The following HMCN2 variants were observed in gnomAD, a reference collection of about 807,000 sequenced individuals.
HMCN2 encodes the protein hemicentin 2.
In HMCN2, 325 loss-of-function variants were observed where a neutral mutation model predicts 377.5. That is an observed-to-expected ratio of 0.86 (90% confidence interval 0.79 to 0.94). The LOEUF (loss-of-function observed/expected upper bound fraction) is 0.94, where lower values mean the gene tolerates loss of function less well. Ranked by LOEUF, HMCN2 falls within the 40% of genes least tolerant of loss-of-function variation. HMCN2 has a pLI of 0.00. For missense variants in HMCN2, 4,543 were observed against 4,725.3 expected, an observed-to-expected ratio of 0.96 and a Z score of 1.13; for synonymous variants, 2,007 against 2,046.8, an observed-to-expected ratio of 0.98 and a Z score of 0.53.
chr9:130,272,385 T>C (rs1014813344), intron 1 of HMCN2, among the ~76,000 whole-genome samples: 1 of 148,404 alleles, frequency 6.7e-6, no homozygotes, highest in African/African-American at 2.4e-5. Context: ...GGATTACAGA[T>C]GTGTGCCACC....
chr9:130,276,968 AG>A (rs1280478668), intron 1 of HMCN2, among the ~76,000 whole-genome samples: 27 of 152,352 alleles, frequency 1.8e-4, no homozygotes, highest in African/African-American at 6.3e-4. Context: ...GGGGCAAGAC[AG>A]GCCCCAGGAA....
intron 82 of HMCN2, 105 bp downstream of exon 82, chr9:130,406,273 C>A: frequency 2.0e-6 from 2 of 997,622 alleles, no homozygotes; most frequent in Non-Finnish European, 2.7e-6. Flanking sequence ...AAGAGGTTGT[C>A]AGCCAGCCCT....
chr9:130,379,085 A>G (rs1435511746), intron 53 of HMCN2, among the ~76,000 whole-genome samples, 164 bp from the exon 54 acceptor site: 1 of 152,058 alleles, frequency 6.6e-6, no homozygotes, highest in East Asian at 1.9e-4. Flanking sequence ...CTCAATAAAC[A>G]CCGGTTTAGG....
chr9:130,424,320 A>G (rs147898150), intron 87 of HMCN2, among the ~76,000 whole-genome samples: 5,687 of 150,840 alleles, frequency 0.038, 339 homozygotes, highest in African/African-American at 0.13. Flanking sequence ...CTGGGACTAC[A>G]GACGCCTGCC....
chr9:130,403,925 G>A, intron 80 of HMCN2, 50 bp downstream of exon 80: 1 of 1,266,878 alleles, frequency 7.9e-7, no homozygotes, highest in Non-Finnish European at 1.0e-6. Flanking sequence ...GAGGGGCTTT[G>A]AGGCTTCTGC....
chr9:130,265,925 C>A lies in HMCN2; in HGVS notation c.47C>A (p.Ala16Glu). 1 of 428,028 alleles carries A rather than the reference C, an allele frequency of 2.3e-6. No individual in the cohort carries two copies. Among genetic ancestry groups the A allele is most frequent in the Non-Finnish European group, 4.8e-6 (1 of 208,476 alleles). 26.5% of individuals were successfully genotyped at this position (428,028 alleles called of 1,614,324 possible). A position where few individuals can be genotyped will look rare whatever the true frequency, so the allele number is the denominator to read the frequency against. Residue 16 changes from alanine (A) to glutamate (E), a missense_variant, in exon 1 of 98, where the codon GCG becomes GAG. Ala to Glu is a moderately radical substitution (Grantham distance 107, BLOSUM62 -1). This residue lies in a region of HMCN2 where 547 missense variants were observed against 189.9 expected (regional missense o/e 2.88). Coordinates refer to ENST00000683500, the MANE Select transcript of HMCN2 (RefSeq NM_001291815.2). ...PLLRLLTAVSAAVAVAVAGAP... is the reference protein window; with the variant it reads ...PLLRLLTAVSEAVAVAVAGAP... ...CTGCGGCTGCTGACCGCGGTCTCTGCGGCAGTGGCAGTGGCAGTGGCCGGG... is the reference window on the plus strand; with the variant it reads ...CTGCGGCTGCTGACCGCGGTCTCTGAGGCAGTGGCAGTGGCAGTGGCCGGG...
Position 130,410,656 on chromosome 9 carries a change from A to T in HMCN2, c.12961+4A>T. 1 of 1,550,438 alleles carries T rather than the reference A, an allele frequency of 6.4e-7. No homozygotes were observed. Among genetic ancestry groups the T allele is most frequent in the Non-Finnish European group, 8.7e-7 (1 of 1,146,856 alleles). On this transcript the variant is annotated splice_donor_region_variant and intron_variant, in intron 85 of 97. Transcript: ENST00000683500. ...GTGGTGATCCTCGTCCTGCAGAGTG[A>T]GTCTCGGCCTCAGCAGAGTGGGGAC... is the stretch of plus-strand genomic sequence containing the variant.
Position 130,302,947 on chromosome 9 carries a change from TC to T in HMCN2, c.1369del (p.Arg457GlyfsTer70), listed in dbSNP as rs1170224072. The T allele has an allele frequency of 8.5e-6, 4 of 470,544 alleles. No homozygotes were observed. Among genetic ancestry groups the T allele is most frequent in the Admixed American group, 7.0e-5 (3 of 42,560 alleles). The allele number at this position is 470,544 out of a possible 1,614,324, so 29.1% of individuals were successfully genotyped here. A position where few individuals can be genotyped will look rare whatever the true frequency, so the allele number is the denominator to read the frequency against. On this transcript the variant is annotated frameshift_variant, in exon 9 of 98. Coordinates refer to ENST00000683500, the MANE Select transcript of HMCN2 (RefSeq NM_001291815.2). LOFTEE classifies it high-confidence loss of function. ...VSCSVHSALPFRLQLRRGEAR... is the reference protein window; with the variant it reads ...VSCSVHSALPXRLQLRRGEAR... ...TGCTCGGTGCACAGTGCCCTTCCCT[TC>T]CGGCTGCAGCTGCGGCGAGGTGAAG... is the stretch of plus-strand genomic sequence containing the variant.
chr9:130,401,860 A>G (rs749770686), intron 77 of HMCN2, among the ~76,000 whole-genome samples: 6 of 151,920 alleles, frequency 3.9e-5, no homozygotes, highest in Non-Finnish European at 8.8e-5. Context: ...GATTGTTTGA[A>G]GCCAGGAGTT....
chr9:130,286,156 A>G (rs1378391119), intron 3 of HMCN2, 32 bp from the exon 4 acceptor site: 1 of 469,510 alleles, frequency 2.1e-6, no homozygotes, highest in Non-Finnish European at 4.4e-6. Flanking sequence ...CGGCCAGGGA[A>G]GTCGAGAGCA....
At chr9:130,415,769 T>C (rs985705948) in intron 85 of HMCN2, among the ~76,000 whole-genome samples, 4 of 152,214 alleles carry the variant, frequency 2.6e-5, no homozygotes, top group Admixed American at 2.0e-4. Flanking sequence ...ATCCAGCCTG[T>C]CCGTGGCTCC....
chr9:130,349,798 G>A (rs1003472488), intron 29 of HMCN2, 135 bp downstream of exon 29: 1 of 798,230 alleles, frequency 1.3e-6, no homozygotes, highest in Non-Finnish European at 1.7e-6. Context: ...CCCAGACTGA[G>A]GGCTGTAGGG....
At chr9:130,389,591 T>C (rs1842198112) in intron 62 of HMCN2, among the ~76,000 whole-genome samples, 1 of 152,088 alleles carries the variant, frequency 6.6e-6, no homozygotes, top group Admixed American at 6.5e-5. Flanking sequence ...TTTTTTTTTT[T>C]TGAGACGGGG....
At position 130,353,217 on chromosome 9, in the gene HMCN2, G is replaced by C. The variant is rs1839830456; in HGVS notation, c.4864+12G>C. 7.7e-7 allele frequency: 1 copy of C among 1,301,880 alleles called. No individual in the cohort carries two copies. The highest frequency in any genetic ancestry group is 1.5e-5 in the African/African-American group (1 of 65,842). 80.6% of individuals were successfully genotyped at this position (1,301,880 alleles called of 1,614,324 possible). A position where few individuals can be genotyped will look rare whatever the true frequency, so the allele number is the denominator to read the frequency against. On this transcript the variant is annotated intron_variant, in intron 31 of 97. Transcript: ENST00000683500. ...GCTGGATGTTTATGGTGAGCAGCCA[G>C]GGGCCACGGCAGCCGGGGTGGGCAG...
In HMCN2 at chr9:130,302,854, C is replaced by T. The variant is rs1429865693; in HGVS notation, c.1277-3C>T. On this transcript the variant is annotated splice_polypyrimidine_tract_variant and splice_region_variant and intron_variant, in intron 8 of 97. Transcript: ENST00000683500. Reference sequence around the variant, plus strand: ...CATTCTGAGTCCTGGTCCCCGCCTACAGGCGCTCCCCTCGTCAGCATGGCC... The same window carrying T: ...CATTCTGAGTCCTGGTCCCCGCCTATAGGCGCTCCCCTCGTCAGCATGGCC... 2 of 462,178 alleles carry T rather than the reference C, an allele frequency of 4.3e-6. No homozygotes were observed. Among genetic ancestry groups the T allele is most frequent in the Non-Finnish European group, 9.0e-6 (2 of 222,056 alleles). The allele number at this position is 462,178 out of a possible 1,614,324, so 28.6% of individuals were successfully genotyped here.
At chr9:130,268,184 G>A (rs111832567) in intron 1 of HMCN2, among the ~76,000 whole-genome samples, 111 of 151,994 alleles carry the variant, frequency 7.3e-4, no homozygotes, top group Non-Finnish European at 1.4e-3. Flanking sequence ...GACTGTCCTC[G>A]CTGCCCCATT....
In HMCN2 at chr9:130,365,825, C is replaced by T. The variant is rs1003485567; in HGVS notation, c.6506-51C>T. ...CAGCCTGCCCTCGCCTTGCTCATCC[C>T]CTCCCCATCTCAGCCCCACCCCCAC... On this transcript the variant is annotated intron_variant, in intron 42 of 97. Coordinates refer to ENST00000683500, the MANE Select transcript of HMCN2 (RefSeq NM_001291815.2). The T allele has an allele frequency of 1.5e-4, 150 of 984,080 alleles. No individual in the cohort carries two copies. In the Middle Eastern group the frequency reaches 2.1e-3, roughly 14 times the overall value. The allele number at this position is 984,080 out of a possible 1,614,324, so 61.0% of individuals were successfully genotyped here.
In HMCN2 at chr9:130,351,693, C is replaced by T. The variant is rs2131525905; in HGVS notation, c.4585+116C>T. The T allele has an allele frequency of 1.1e-6, 1 of 911,886 alleles. No individual in the cohort carries two copies. Among genetic ancestry groups the T allele is most frequent in the East Asian group, 6.7e-5 (1 of 15,012 alleles). The allele number at this position is 911,886 out of a possible 1,614,324, so 56.5% of individuals were successfully genotyped here. A position where few individuals can be genotyped will look rare whatever the true frequency, so the allele number is the denominator to read the frequency against. ...TGAAATGGGGGACCTGGTGAGTGAT[C>T]CCTGAGTCCAAGAAAGCTGGGGGCT... On this transcript the variant is annotated intron_variant, in intron 30 of 97. Coordinates refer to ENST00000683500, the MANE Select transcript of HMCN2 (RefSeq NM_001291815.2). The surrounding 1 kb of genome is among the most constrained non-coding windows in gnomAD (Gnocchi z 5.4).
intron 15 of HMCN2, among the ~76,000 whole-genome samples, chr9:130,310,573 G>A (rs1267300146): frequency 6.6e-6 from 1 of 152,056 alleles, no homozygotes; most frequent in Non-Finnish European, 1.5e-5. Flanking sequence ...CCCTGGTGCA[G>A]TGTGTGTGGG....
Sources: allele counts gnomAD v4.1 joint callset (sites outside exome capture counted in the v4.1 genomes callset), GRCh38; gene constraint gnomAD v4.1.1; regional missense constraint gnomAD v4.1.1; non-coding constraint Gnocchi (gnomAD v3.1); transcripts MANE v1.5; gene names NCBI Gene and HGNC (gene_info 2026-07-23, HGNC 2026-07-21).